Variants in TACC2 observed in about 807,000 individuals in gnomAD.
TACC2 encodes the protein transforming acidic coiled-coil-containing protein 2.
Under a neutral mutation model 227.3 loss-of-function variants are expected in TACC2, and 137 were observed. The observed-to-expected ratio is 0.60, with a 90% CI of 0.52 to 0.69. The LOEUF (loss-of-function observed/expected upper bound fraction) is 0.69. Among genes scored for constraint, TACC2 ranks in the 30% least tolerant of loss-of-function variants. The pLI is 0.00. For missense variants in TACC2, 3,470 were observed against 3,694.4 expected, an observed-to-expected ratio of 0.94 and a Z score of 1.57; for synonymous variants, 1,523 against 1,487.5, an observed-to-expected ratio of 1.02 and a Z score of -0.55.
intron 2 of TACC2, among the ~76,000 whole-genome samples, chr10:122,040,281 G>A (rs556769768): frequency 2.6e-5 from 4 of 152,244 alleles, no homozygotes; most frequent in East Asian, 1.9e-4. Flanking sequence ...ACCTGTTCCC[G>A]GGAGTGTCAG....
intron 3 of TACC2, among the ~76,000 whole-genome samples, chr10:122,073,351 A>G (rs992524390): frequency 6.6e-6 from 1 of 151,928 alleles, no homozygotes; most frequent in African/African-American, 2.4e-5. Flanking sequence ...TGAGAACTCC[A>G]TGTGTTCAGA....
chr10:122,174,550 C>T (rs1371293439), intron 7 of TACC2, among the ~76,000 whole-genome samples: 2 of 152,054 alleles, frequency 1.3e-5, no homozygotes, highest in Non-Finnish European at 2.9e-5. Context: ...GTTTAGGGAA[C>T]CAGGAGAAGA....
intron 11 of TACC2, among the ~76,000 whole-genome samples, chr10:122,221,056 G>A (rs950834237): frequency 1.3e-5 from 2 of 152,230 alleles, no homozygotes; most frequent in African/African-American, 4.8e-5. Context: ...GGAGCAGAAT[G>A]TTGCAGAGCT....
intron 8 of TACC2, among the ~76,000 whole-genome samples, chr10:122,207,497 C>G (rs538852556): frequency 6.6e-6 from 1 of 152,114 alleles, no homozygotes; most frequent in Non-Finnish European, 1.5e-5. Context: ...GTTGTCACAG[C>G]TGGGGTAAGG....
At chr10:122,013,713 T>C (rs781386354) in intron 1 of TACC2, among the ~76,000 whole-genome samples, 2 of 152,158 alleles carry the variant, frequency 1.3e-5, no homozygotes, top group Admixed American at 6.5e-5. Flanking sequence ...AGCAATGCCA[T>C]GGCAGAAAAC....
At chr10:122,074,294 T>C (rs1249462969) in intron 3 of TACC2, among the ~76,000 whole-genome samples, 1 of 151,426 alleles carries the variant, frequency 6.6e-6, no homozygotes, top group Non-Finnish European at 1.5e-5. Flanking sequence ...TTAACCAGGC[T>C]GTCTTGAACT....
chr10:122,254,138 G>C lies in TACC2; in HGVS notation c.*82G>C. On this transcript the variant is annotated 3_prime_UTR_variant, in exon 23 of 23. Transcript: ENST00000369005. ...TGCTGTTCCTCCAGTTCCATGGACA[G>C]GTTCTGTTTTCACTTTTTCGTATGC... 1 of 1,207,110 alleles carries C rather than the reference G, an allele frequency of 8.3e-7. No individual in the cohort carries two copies. The highest frequency in any genetic ancestry group is 1.2e-6 in the Non-Finnish European group (1 of 808,906). 74.8% of individuals were successfully genotyped at this position (1,207,110 alleles called of 1,614,324 possible).
intron 6 of TACC2, among the ~76,000 whole-genome samples, chr10:122,142,960 C>T (rs960314988): frequency 4.6e-5 from 7 of 152,176 alleles, no homozygotes; most frequent in Non-Finnish European, 7.3e-5. Flanking sequence ...GTGCTACCCC[C>T]GGAGGCCCCG....
At chr10:122,106,689 A>G (rs974493311) in intron 5 of TACC2, among the ~76,000 whole-genome samples, 2 of 152,208 alleles carry the variant, frequency 1.3e-5, no homozygotes, top group Non-Finnish European at 2.9e-5. Flanking sequence ...AGTATCTACC[A>G]TATGAGTGCT....
At chr10:122,159,201 C>T (rs1356262040) in intron 7 of TACC2, among the ~76,000 whole-genome samples, 6 of 152,168 alleles carry the variant, frequency 3.9e-5, no homozygotes, top group Non-Finnish European at 5.9e-5. Context: ...AGGACCTGGC[C>T]GTGCTCCAAT....
rs115790843 is a variant in TACC2, at chr10:122,085,549, G to A, written c.3049G>A (p.Ala1017Thr). 2.6e-4 allele frequency: 412 copies of A among 1,613,366 alleles called. No individual in the cohort carries two copies. The African/African-American group carries it at 5.0e-3, about 20-fold the overall frequency. ...HEEACQRHPG[A>T]SEAADGCSPL... ...AGAAGCATGTCAAAGGCATCCAGGAGCTTCTGAAGCAGCTGATGGTTGTTC... is the reference window on the plus strand; with the variant it reads ...AGAAGCATGTCAAAGGCATCCAGGAACTTCTGAAGCAGCTGATGGTTGTTC... The change falls in exon 4 of 23, where the codon GCT becomes ACT. Residue 1017 changes from alanine to threonine, a missense_variant. Physicochemically the swap from Ala to Thr is moderately conservative, Grantham distance 58. Around this residue, in one of 10 missense-constraint regions of TACC2, gnomAD observed 1,924 missense variants for 1,978.3 expected, o/e 0.97. Coordinates refer to ENST00000369005, the MANE Select transcript of TACC2 (RefSeq NM_206862.4).
intron 16 of TACC2, among the ~76,000 whole-genome samples, chr10:122,232,254 A>G (rs1387713393): frequency 6.6e-6 from 1 of 152,230 alleles, no homozygotes; most frequent in Admixed American, 6.5e-5. Context: ...GACAGAATGA[A>G]TTGCATGCAG....
intron 5 of TACC2, among the ~76,000 whole-genome samples, chr10:122,110,372 G>A (rs2083447151): frequency 6.6e-6 from 1 of 152,206 alleles, no homozygotes; most frequent in South Asian, 2.1e-4. Context: ...GTAGCTCTAG[G>A]TTCACTATCC....
At chr10:122,101,493 G>T (rs927046197) in intron 5 of TACC2, among the ~76,000 whole-genome samples, 5 of 151,588 alleles carry the variant, frequency 3.3e-5, no homozygotes, top group African/African-American at 1.2e-4. Flanking sequence ...GCCAAGGCTG[G>T]AGGATCACTT....
chr10:122,165,712 G>T (rs1486752812), intron 7 of TACC2, among the ~76,000 whole-genome samples: 2 of 152,198 alleles, frequency 1.3e-5, no homozygotes, highest in Non-Finnish European at 2.9e-5. Flanking sequence ...TAGAACTGCT[G>T]CCTCTGAAAT....
chr10:122,009,513 C>A (rs1331601377), intron 1 of TACC2, among the ~76,000 whole-genome samples: 2 of 151,668 alleles, frequency 1.3e-5, no homozygotes, highest in East Asian at 3.9e-4. Flanking sequence ...CAACAAAAGC[C>A]CACAAAAAAC....
chr10:122,207,901 G>A (rs114774116), intron 8 of TACC2, among the ~76,000 whole-genome samples: 102 of 152,206 alleles, frequency 6.7e-4, no homozygotes, highest in African/African-American at 2.2e-3. Context: ...GCTGAGGCTC[G>A]TGCTTCCTCC....
At chr10:122,099,062 T>C (rs903299309) in intron 5 of TACC2, among the ~76,000 whole-genome samples, 1 of 152,174 alleles carries the variant, frequency 6.6e-6, no homozygotes, top group Admixed American at 6.5e-5. Context: ...CTGGCTGTGC[T>C]GAGCACATCT....
At chr10:122,220,015 G>T (rs1180498847) in intron 11 of TACC2, among the ~76,000 whole-genome samples, 1 of 151,018 alleles carries the variant, frequency 6.6e-6, no homozygotes, top group Non-Finnish European at 1.5e-5. Context: ...TCCAGCCTGG[G>T]TGACAGAGTG....
Sources: allele counts gnomAD v4.1 joint callset (sites outside exome capture counted in the v4.1 genomes callset), GRCh38; gene constraint gnomAD v4.1.1; regional missense constraint gnomAD v4.1.1; transcripts MANE v1.5; gene names NCBI Gene and HGNC (gene_info 2026-07-23, HGNC 2026-07-21).